SGCG: variants seen among roughly 807,000 people sequenced by gnomAD.
SGCG encodes sarcoglycan gamma, also known as gamma-sarcoglycan.
In SGCG, 26 loss-of-function variants were observed where a neutral mutation model predicts 29.3. The ratio of observed to expected loss-of-function variants is 0.89; its 90% CI spans 0.65 to 1.23. The LOEUF (loss-of-function observed/expected upper bound fraction) is 1.23. Among genes scored for constraint, SGCG ranks in the 50% most tolerant of loss-of-function variants. The probability of loss-of-function intolerance (pLI) is 0.00; values close to 1 mark genes in which losing one functional copy is unlikely to be tolerated. For missense variants in SGCG, 353 were observed against 356.0 expected (o/e 0.99, Z 0.07); for synonymous variants, 145 against 129.7 (o/e 1.12, Z -0.80).
chr13:23,321,333 CAG>C (rs1466404216), intron 7 of SGCG, among the ~76,000 whole-genome samples: 11 of 152,250 alleles, frequency 7.2e-5, no homozygotes, highest in African/African-American at 2.6e-4. Flanking sequence ...CCTAAAACCA[CAG>C]AGAGTACAGA....
chr13:23,287,498 C>T (rs1008147902), intron 5 of SGCG, among the ~76,000 whole-genome samples: 3 of 152,124 alleles, frequency 2.0e-5, no homozygotes, highest in Non-Finnish European at 4.4e-5. Context: ...ACCTGTGAGA[C>T]CCTGAGCACA....
chr13:23,292,402 G>A (rs780947110), intron 5 of SGCG, among the ~76,000 whole-genome samples: 16 of 152,190 alleles, frequency 1.1e-4, no homozygotes, highest in South Asian at 2.1e-4. Flanking sequence ...GAGCCACTGC[G>A]CCCACCGACG....
intron 4 of SGCG, among the ~76,000 whole-genome samples, chr13:23,270,101 C>T (rs1188103077): frequency 6.6e-6 from 1 of 152,074 alleles, no homozygotes; most frequent in African/African-American, 2.4e-5. Context: ...GTCTCCATCT[C>T]TTGACCTCGT....
At chr13:23,189,488 T>A (rs1002014588) in intron 1 of SGCG, among the ~76,000 whole-genome samples, 4 of 152,206 alleles carry the variant, frequency 2.6e-5, no homozygotes, top group African/African-American at 9.7e-5. Flanking sequence ...TTTCCTGAAA[T>A]TTTTTTGGAA....
intron 2 of SGCG, among the ~76,000 whole-genome samples, chr13:23,234,280 G>A (rs1329475145): frequency 6.6e-6 from 1 of 152,004 alleles, no homozygotes; most frequent in East Asian, 1.9e-4. Context: ...TCATAGACCT[G>A]TACACCTCAA....
intron 1 of SGCG, among the ~76,000 whole-genome samples, chr13:23,185,046 G>GTT (rs1876914929): frequency 6.6e-6 from 1 of 152,316 alleles, no homozygotes; most frequent in African/African-American, 2.4e-5. Flanking sequence ...TCGCAGAAGT[G>GTT]TTTAAGGTTG....
chr13:23,222,513 TC>T (rs11301812), intron 2 of SGCG, among the ~76,000 whole-genome samples: 117,298 of 151,992 alleles, frequency 0.77, 45,456 homozygotes, highest in East Asian at 0.92. Context: ...AAATGTTCTT[TC>T]CCCCCTTCTG....
rs561093695 is a variant in SGCG at position 23,233,351 on chromosome 13, G to GT, written c.196-1259dup. 4.8e-3 allele frequency among the ~76,000 whole-genome samples: 738 copies of GT among 152,242 alleles called. 3 individuals are homozygous for GT. The highest frequency in any genetic ancestry group is 8.4e-3 in the Non-Finnish European group (568 of 68,022). On this transcript the variant is annotated intron_variant, in intron 2 of 7. Coordinates refer to ENST00000218867, the MANE Select transcript of SGCG (RefSeq NM_000231.3). ...TATGATATGATTCCACTTACATAAG[G>GT]TACTTAGAATAATCAAATTCATAGA...
chr13:23,287,989 G>A (rs1473950534), intron 5 of SGCG, among the ~76,000 whole-genome samples: 4 of 152,134 alleles, frequency 2.6e-5, no homozygotes, highest in Admixed American at 6.5e-5. Flanking sequence ...TCTTGACCTC[G>A]TGATCTGCCC....
chr13:23,176,252 T>A (rs1351613538), upstream of SGCG, among the ~76,000 whole-genome samples: 1 of 152,122 alleles, frequency 6.6e-6, no homozygotes, highest in Admixed American at 6.5e-5. Context: ...TGGTGTAACT[T>A]GAGTTTAGTT....
chr13:23,259,411 C>A (rs4594102), intron 4 of SGCG, among the ~76,000 whole-genome samples: 54,412 of 151,580 alleles, frequency 0.36, 10,483 homozygotes, highest in South Asian at 0.51. Context: ...TTTTTTATTG[C>A]GTCTATTTGA....
intron 5 of SGCG, among the ~76,000 whole-genome samples, chr13:23,286,288 A>G (rs1881493176): frequency 6.6e-6 from 1 of 152,230 alleles, no homozygotes; most frequent in African/African-American, 2.4e-5. Flanking sequence ...ATGTCTTGCA[A>G]AAGATGTAGG....
At chr13:23,194,947 A>T (rs1340413534) in intron 1 of SGCG, among the ~76,000 whole-genome samples, 2 of 152,232 alleles carry the variant, frequency 1.3e-5, no homozygotes, top group African/African-American at 4.8e-5. Context: ...ACAGGGTTGC[A>T]GCTGAGCTTC....
At chr13:23,269,592 C>T (rs963088632) in intron 4 of SGCG, among the ~76,000 whole-genome samples, 3 of 152,312 alleles carry the variant, frequency 2.0e-5, no homozygotes, top group South Asian at 4.1e-4. Context: ...TCCCATCATA[C>T]TTACATGAGG....
At chr13:23,323,983 T>C (rs1184077322) in intron 7 of SGCG, among the ~76,000 whole-genome samples, 1 of 152,172 alleles carries the variant, frequency 6.6e-6, no homozygotes, top group Non-Finnish European at 1.5e-5. Context: ...TCTAATATGT[T>C]TGACAAATAA....
chr13:23,279,823 G>T (rs1459607884), intron 5 of SGCG, among the ~76,000 whole-genome samples: 3 of 151,636 alleles, frequency 2.0e-5, no homozygotes, highest in Admixed American at 2.0e-4. Context: ...TGCCTCCTGG[G>T]TTCAAGCAAT....
At chr13:23,204,582 CTTTCTTTTCTTTCT>C (rs1052450382) in intron 2 of SGCG, among the ~76,000 whole-genome samples, 4 of 2,378 alleles carry the variant, frequency 1.7e-3, no homozygotes, top group African/African-American at 3.7e-3. Context: ...TGCACAGGCT[CTTTCTTTTCTTTCT>C]TTTCTTTCTT....
At chr13:23,320,542 C>A in intron 6 of SGCG, 95 bp from the exon 7 acceptor site, 1 of 1,010,798 alleles carries the variant, frequency 9.9e-7, no homozygotes, top group Non-Finnish European at 1.5e-6. Flanking sequence ...ACATATCTTA[C>A]TAGTTATATT....
chr13:23,229,908 T>C (rs77276882), intron 2 of SGCG, among the ~76,000 whole-genome samples: 28 of 152,352 alleles, frequency 1.8e-4, no homozygotes, highest in African/African-American at 6.3e-4. Flanking sequence ...AAGGTTTTTA[T>C]AGTTTTAGGT....
Sources: allele counts gnomAD v4.1 joint callset (sites outside exome capture counted in the v4.1 genomes callset), GRCh38; gene constraint gnomAD v4.1.1; transcripts MANE v1.5; gene names NCBI Gene and HGNC (gene_info 2026-07-23, HGNC 2026-07-21).